The following GRM3 variants were observed in gnomAD, a reference collection of about 807,000 sequenced individuals.
GRM3 encodes the protein glutamate metabotropic receptor 3.
GRM3 carries 26 observed loss-of-function variants against 70.5 expected under a neutral mutation model. The ratio of observed to expected loss-of-function variants is 0.37; its 90% confidence interval spans 0.27 to 0.51. GRM3 has a LOEUF of 0.51. Ranked by LOEUF, GRM3 falls within the 20% of genes least tolerant of loss-of-function variation. GRM3 has a pLI of 0.93. For synonymous variants in GRM3, 443 were observed against 434.9 expected (o/e 1.02, Z -0.23); for missense variants, 859 against 1,123.8 (o/e 0.76, Z 3.37).
chr7:86,855,406 GTC>G (rs1798827730), intron 5 of GRM3, among the ~76,000 whole-genome samples: 1 of 152,094 alleles, frequency 6.6e-6, no homozygotes, highest in African/African-American at 2.4e-5. Context: ...CCCAGACTTG[GTC>G]CTATAAGGAT....
intron 1 of GRM3, among the ~76,000 whole-genome samples, chr7:86,678,330 T>C (rs1794356043): frequency 6.6e-6 from 1 of 152,048 alleles, no homozygotes; most frequent in Non-Finnish European, 1.5e-5. Flanking sequence ...CTCAGGATTA[T>C]GAATAATGCT....
At chr7:86,668,152 A>G (rs1197752743) in intron 1 of GRM3, among the ~76,000 whole-genome samples, 1 of 152,042 alleles carries the variant, frequency 6.6e-6, no homozygotes, top group African/African-American at 2.4e-5. Flanking sequence ...CATTATTTCA[A>G]TTGTTGCTAT....
At chr7:86,769,419 T>A (rs1796685234) in intron 2 of GRM3, among the ~76,000 whole-genome samples, 1 of 152,114 alleles carries the variant, frequency 6.6e-6, no homozygotes, top group Non-Finnish European at 1.5e-5. Flanking sequence ...GAGAGAACTT[T>A]AGAGAATGAC....
chr7:86,836,725 C>T (rs1272963976), intron 3 of GRM3, among the ~76,000 whole-genome samples: 1 of 152,138 alleles, frequency 6.6e-6, no homozygotes, highest in East Asian at 1.9e-4. Flanking sequence ...TTATCATTAT[C>T]ACTAACACAT....
intron 3 of GRM3, among the ~76,000 whole-genome samples, chr7:86,799,912 T>C (rs1797643604): frequency 6.6e-6 from 1 of 152,226 alleles, no homozygotes; most frequent in African/African-American, 2.4e-5. Flanking sequence ...GAGATAATCA[T>C]GTGTTTTTTG....
At chr7:86,762,109 C>T (rs1367073135) in intron 1 of GRM3, among the ~76,000 whole-genome samples, 3 of 152,146 alleles carry the variant, frequency 2.0e-5, no homozygotes, top group Non-Finnish European at 2.9e-5. Flanking sequence ...CGATAATGAT[C>T]GCAGTGTCTT....
At chr7:86,706,225 T>G (rs1795053769) in intron 1 of GRM3, among the ~76,000 whole-genome samples, 1 of 152,094 alleles carries the variant, frequency 6.6e-6, no homozygotes, top group East Asian at 1.9e-4. Context: ...CACAGTTTAG[T>G]GCTAAAAATA....
chr7:86,768,655 G>A (rs1318712637), intron 2 of GRM3, among the ~76,000 whole-genome samples: 2 of 152,134 alleles, frequency 1.3e-5, no homozygotes, highest in Non-Finnish European at 2.9e-5. Context: ...ATCTGAAGAG[G>A]CCAATCAGAA....
At chr7:86,671,410 C>A (rs1794170836) in intron 1 of GRM3, among the ~76,000 whole-genome samples, 1 of 152,152 alleles carries the variant, frequency 6.6e-6, no homozygotes, top group Admixed American at 6.5e-5. Context: ...CTGAAGTTAG[C>A]ACATCTAGCA....
At chr7:86,688,399 T>C (rs540295047) in intron 1 of GRM3, among the ~76,000 whole-genome samples, 6 of 151,662 alleles carry the variant, frequency 4.0e-5, no homozygotes, top group Non-Finnish European at 8.9e-5. Flanking sequence ...AATATAAAGA[T>C]GTACATTTCA....
intron 3 of GRM3, among the ~76,000 whole-genome samples, chr7:86,825,018 T>C (rs185542072): frequency 3.9e-5 from 6 of 152,304 alleles, no homozygotes; most frequent in Admixed American, 2.6e-4. Flanking sequence ...TTAACAACAT[T>C]ATTTTCAGGT....
At chr7:86,858,577 T>C (rs1413158626) in intron 5 of GRM3, among the ~76,000 whole-genome samples, 1 of 152,186 alleles carries the variant, frequency 6.6e-6, no homozygotes, top group Non-Finnish European at 1.5e-5. Flanking sequence ...CCCAGTGCCA[T>C]GCTCTTGCAC....
intron 2 of GRM3, among the ~76,000 whole-genome samples, chr7:86,780,404 G>T (rs1050889664): frequency 1.3e-5 from 2 of 152,172 alleles, no homozygotes. Flanking sequence ...ATCTGGCCAA[G>T]TCCAGCATTT....
rs144070980 is a variant in GRM3, at chr7:86,709,026, G to A, written c.-140-55980G>A. On this transcript the variant is annotated intron_variant, in intron 1 of 5. Transcript: ENST00000361669. ...AAAGTTATAGAGACTATTTCACTTTGACACCTAAATTACAACCTACATACT... is the reference window on the plus strand; with the variant it reads ...AAAGTTATAGAGACTATTTCACTTTAACACCTAAATTACAACCTACATACT... Among the ~76,000 whole-genome samples the A allele has an allele frequency of 2.3e-4, 35 of 151,842 alleles. 1 individual carries two copies. In the East Asian group the frequency reaches 6.4e-3, roughly 28 times the overall value.
chr7:86,831,570 C>A (rs1798352617), intron 3 of GRM3, among the ~76,000 whole-genome samples: 1 of 152,106 alleles, frequency 6.6e-6, no homozygotes, highest in Non-Finnish European at 1.5e-5. Flanking sequence ...GGATTGGAAT[C>A]TCCATAATTT....
At chr7:86,764,277 G>A (rs1453308192) in intron 1 of GRM3, among the ~76,000 whole-genome samples, 1 of 152,108 alleles carries the variant, frequency 6.6e-6, no homozygotes, top group Non-Finnish European at 1.5e-5. Flanking sequence ...TTGAGATGTT[G>A]TCAAGATGAA....
intron 1 of GRM3, among the ~76,000 whole-genome samples, chr7:86,733,502 T>A (rs1341394407): frequency 1.3e-5 from 2 of 151,990 alleles, no homozygotes; most frequent in African/African-American, 4.8e-5. Flanking sequence ...CCAAAAGGGA[T>A]GGGCCAACTC....
chr7:86,838,678 G>A (rs1471393642), intron 3 of GRM3, among the ~76,000 whole-genome samples, 161 bp from the exon 4 acceptor site: 1 of 152,174 alleles, frequency 6.6e-6, no homozygotes, highest in African/African-American at 2.4e-5. Context: ...GAGCACTTTA[G>A]TAGCTTTTGA....
At chr7:86,824,800 A>T (rs865868179) in intron 3 of GRM3, among the ~76,000 whole-genome samples, 3 of 151,810 alleles carry the variant, frequency 2.0e-5, no homozygotes, top group African/African-American at 7.3e-5. Context: ...ATTTATATAT[A>T]TATGTGTGTG....
Sources: allele counts gnomAD v4.1 joint callset (sites outside exome capture counted in the v4.1 genomes callset), GRCh38; gene constraint gnomAD v4.1.1; transcripts MANE v1.5; gene names NCBI Gene and HGNC (gene_info 2026-07-23, HGNC 2026-07-21).